The following AP3B2 variants were observed in gnomAD, a reference collection of about 807,000 sequenced individuals.
The protein encoded by AP3B2 is adaptor related protein complex 3 subunit beta 2.
AP3B2 carries 50 observed loss-of-function variants against 126.9 expected under a neutral mutation model. The observed-to-expected ratio is 0.39, with a 90% CI of 0.31 to 0.50. The LOEUF (loss-of-function observed/expected upper bound fraction) is 0.50, where lower values mean the gene tolerates loss of function less well. Among genes scored for constraint, AP3B2 ranks in the 20% least tolerant of loss-of-function variants. The pLI, the probability that AP3B2 is intolerant of heterozygous loss-of-function variation, is 0.79. For synonymous variants in AP3B2, 541 were observed against 565.0 expected, an observed-to-expected ratio of 0.96 and a Z score of 0.60; for missense variants, 1,177 against 1,426.4, an observed-to-expected ratio of 0.83 and a Z score of 2.82.
Position 82,676,444 on chromosome 15 carries a change from C to T in AP3B2, c.1665+17G>A, listed in dbSNP as rs759558992. 2 of 1,611,908 alleles carry T rather than the reference C, an allele frequency of 1.2e-6. No individual in the cohort carries two copies. The highest frequency in any genetic ancestry group is 1.7e-5 in the Admixed American group (1 of 59,910). The stretch of plus-strand genomic sequence containing the variant: ...CTGGGGACCAGAGTATCTGGGGGGT[C>T]ATCTCTTAATCTTTACCTGTTTAGA... On this transcript the variant is annotated intron_variant, in intron 14 of 26. Coordinates refer to ENST00000535359, the MANE Select transcript of AP3B2 (RefSeq NM_001278512.2).
rs58240249 is a variant in AP3B2 at position 82,700,415 on chromosome 15, T to TTTTTTTTTTTTTTTTTTTTTTTC, written c.113+9178_113+9179insGAAAAAAAAAAAAAAAAAAAAAA. Among the ~76,000 whole-genome samples, 13 of 133,190 alleles carry TTTTTTTTTTTTTTTTTTTTTTTC rather than the reference T, an allele frequency of 9.8e-5. 1 individual carries two copies. Among genetic ancestry groups the TTTTTTTTTTTTTTTTTTTTTTTC allele is most frequent in the African/African-American group, 3.7e-4 (13 of 34,978 alleles). 87.4% of individuals were successfully genotyped at this position (133,190 alleles called of 152,430 possible). A position where few individuals can be genotyped will look rare whatever the true frequency, so the allele number is the denominator to read the frequency against. ...TGGGTGGCTTTTTTTTTTTTTTTTTTCAGATGGAGTTTCACTCTTATTGCC... is the reference window on the plus strand; with the variant it reads ...TGGGTGGCTTTTTTTTTTTTTTTTTTTTTTTTTTTTTTTTTTTTTTTTCCAGATGGAGTTTCACTCTTATTGCC... On this transcript the variant is annotated intron_variant, in intron 1 of 26. Transcript: ENST00000535359.
intron 11 of AP3B2, 60 bp from the exon 12 acceptor site, chr15:82,677,863 G>C: frequency 6.6e-7 from 1 of 1,525,080 alleles, no homozygotes; most frequent in Non-Finnish European, 8.8e-7. Context: ...TGACCTTCAA[G>C]AAGGCTGTGG....
intron 11 of AP3B2, 35 bp from the exon 12 acceptor site, chr15:82,677,838 C>T: frequency 1.9e-6 from 3 of 1,560,278 alleles, no homozygotes; most frequent in Middle Eastern, 1.7e-4. Flanking sequence ...CTCAGTGACT[C>T]TGCAGGCTTG....
At chr15:82,688,888 C>T (rs1158232522) in intron 3 of AP3B2, 57 bp from the exon 4 acceptor site, 3 of 1,481,150 alleles carry the variant, frequency 2.0e-6, no homozygotes, top group African/African-American at 1.4e-5. Context: ...TGTGCCCACC[C>T]CCCTACCCCT....
At chr15:82,690,623 T>C (rs534443520) in intron 1 of AP3B2, among the ~76,000 whole-genome samples, 1 of 151,284 alleles carries the variant, frequency 6.6e-6, no homozygotes, top group Non-Finnish European at 1.5e-5. Context: ...ATGGTGTATA[T>C]GTGCCACATT....
rs977845353 is a variant in AP3B2, at chr15:82,662,930, G to A, written c.2605-8C>T. 3 of 1,608,698 alleles carry A rather than the reference G, an allele frequency of 1.9e-6. No individual in the cohort carries two copies. Among genetic ancestry groups the A allele is most frequent in the Non-Finnish European group, 2.5e-6 (3 of 1,178,382 alleles). On this transcript the variant is annotated splice_region_variant and splice_polypyrimidine_tract_variant and intron_variant, in intron 22 of 26. Transcript: ENST00000535359. Reference sequence around the variant, plus strand: ...CGATACTGGACTCAGAAGCTAGAGTGGAGGGGTAGGGAAGGACAGAACTGA... The same window carrying A: ...CGATACTGGACTCAGAAGCTAGAGTAGAGGGGTAGGGAAGGACAGAACTGA...
Position 82,664,759 on chromosome 15 carries a change from C to T in AP3B2, c.2137+76G>A, listed in dbSNP as rs1596168272. On this transcript the variant is annotated intron_variant, in intron 18 of 26. Transcript: ENST00000535359. The surrounding 1 kb of genome is among the most constrained non-coding windows in gnomAD (Gnocchi z 4.5). ...ACACCCCTAGACACACAACCATATACATATACCCCTCATATAGTCAGTCAC... is the reference window on the plus strand; with the variant it reads ...ACACCCCTAGACACACAACCATATATATATACCCCTCATATAGTCAGTCAC... 1.7e-6 allele frequency: 2 copies of T among 1,185,312 alleles called. No homozygotes were observed. Among genetic ancestry groups the T allele is most frequent in the South Asian group, 1.4e-5 (1 of 71,698 alleles). 73.4% of individuals were successfully genotyped at this position (1,185,312 alleles called of 1,614,324 possible).
rs906970204 is a variant in AP3B2, at chr15:82,665,899, C to T, written c.1853-324G>A. 1.3e-5 allele frequency among the ~76,000 whole-genome samples: 2 copies of T among 152,168 alleles called. No individual in the cohort carries two copies. The highest frequency in any genetic ancestry group is 3.8e-4 in the East Asian group (2 of 5,196). ...TGCACGTCTAGTCAGGCTCTGGACT[C>T]AGCAGGGAGGGATGAACAGTCAGAG... On this transcript the variant is annotated intron_variant, in intron 15 of 26. Transcript: ENST00000535359. The surrounding 1 kb of genome is among the most constrained non-coding windows in gnomAD (Gnocchi z 4.4).
At chr15:82,699,916 T>C (rs1193562323) in intron 1 of AP3B2, 2 of 399,062 alleles carry the variant, frequency 5.0e-6, no homozygotes, top group African/African-American at 2.1e-5. Context: ...GCCAGGGCGC[T>C]GGGGCTCCTG....
chr15:82,661,320 A>G (rs952701276), intron 25 of AP3B2, among the ~76,000 whole-genome samples: 19 of 152,148 alleles, frequency 1.2e-4, no homozygotes, highest in African/African-American at 4.6e-4. Flanking sequence ...ATGCATTTCA[A>G]AATCAGCTTA....
chr15:82,681,590 G>C lies in AP3B2; in HGVS notation c.361-10C>G. 1 of 1,611,930 alleles carries C rather than the reference G, an allele frequency of 6.2e-7. No homozygotes were observed. Among genetic ancestry groups the C allele is most frequent in the Non-Finnish European group, 8.5e-7 (1 of 1,179,570 alleles). The stretch of plus-strand genomic sequence containing the variant: ...TCAGCTGGTTGGGATCCTAAAGGCA[G>C]AGGTGGAGGCAGAGCTATGAAAGGG... On this transcript the variant is annotated splice_polypyrimidine_tract_variant and intron_variant, in intron 4 of 26. Transcript: ENST00000535359. This position sits in a 1 kb window ranked among gnomAD's most constrained non-coding sequence, Gnocchi z 4.0.
rs146732495 is a variant in AP3B2, at chr15:82,691,734, T to C, written c.114-2281A>G. On this transcript the variant is annotated intron_variant, in intron 1 of 26. Transcript: ENST00000535359. ...TCCCATCACCTGTCTCAGTAGGGCC[T>C]GAAAGGAGAGAAGTGGTGTGGGGAA... 1,037 of 1,581,024 alleles carry C rather than the reference T, an allele frequency of 6.6e-4. 6 individuals carry two copies. The East Asian group carries it at 0.021, about 33-fold the overall frequency.
Position 82,659,484 on chromosome 15 carries a change from A to C in AP3B2, c.*76T>G. 9 of 1,550,980 alleles carry C rather than the reference A, an allele frequency of 5.8e-6. No individual in the cohort carries two copies. The highest frequency in any genetic ancestry group is 7.9e-6 in the Non-Finnish European group (9 of 1,135,948). Reference sequence around the variant, plus strand: ...AGGAGGATGATGAGAGAGAGAGAGAAAGATGAGAGAGACTGACAGCCTAGG... The same window carrying C: ...AGGAGGATGATGAGAGAGAGAGAGACAGATGAGAGAGACTGACAGCCTAGG... On this transcript the variant is annotated 3_prime_UTR_variant, in exon 27 of 27. Coordinates refer to ENST00000535359, the MANE Select transcript of AP3B2 (RefSeq NM_001278512.2).
intron 4 of AP3B2, chr15:82,685,874 C>T (rs1188928008): frequency 6.6e-6 from 1 of 152,168 alleles, no homozygotes; most frequent in African/African-American, 2.4e-5. Flanking sequence ...TCACCCACAA[C>T]CCTTTGCACA....
In AP3B2 at chr15:82,665,376, AACACACACACACACACACACACACAC is replaced by A. The variant is rs60428596; in HGVS notation, c.1971+55_1972-74del. The A allele has an allele frequency of 0.2, 257,259 of 1,254,978 alleles. 29,577 individuals carry two copies. The highest frequency in any genetic ancestry group is 0.32 in the East Asian group (12,983 of 40,708). The allele number at this position is 1,254,978 out of a possible 1,614,324, so 77.7% of individuals were successfully genotyped here. A position where few individuals can be genotyped will look rare whatever the true frequency, so the allele number is the denominator to read the frequency against. ...GGGCTCCCTACTGTCTGCCCCCACCAACACACACACACACACACACACACACACACACACACACACACACACACACA... is the reference window on the plus strand; with the variant it reads ...GGGCTCCCTACTGTCTGCCCCCACCAACACACACACACACACACACACACA... On this transcript the variant is annotated intron_variant, in intron 16 of 26. Transcript: ENST00000535359. This position sits in a 1 kb window ranked among gnomAD's most constrained non-coding sequence, Gnocchi z 4.4.
In AP3B2 at chr15:82,681,926, C is replaced by T. The variant is rs192663931; in HGVS notation, c.361-346G>A. Among the ~76,000 whole-genome samples the T allele has an allele frequency of 3.3e-5, 5 of 152,220 alleles. No homozygotes were observed. Among genetic ancestry groups the T allele is most frequent in the Admixed American group, 2.0e-4 (3 of 15,300 alleles). On this transcript the variant is annotated intron_variant, in intron 4 of 26. Transcript: ENST00000535359. This position sits in a 1 kb window ranked among gnomAD's most constrained non-coding sequence, Gnocchi z 4.0. Reference sequence around the variant, plus strand: ...TGTTTTAATGCCTGAGGTGACCGCCCAGCAGATGCAAGCTGGTCTCCCTTC... The same window carrying T: ...TGTTTTAATGCCTGAGGTGACCGCCTAGCAGATGCAAGCTGGTCTCCCTTC...
Position 82,682,198 on chromosome 15 carries a change from C to T in AP3B2, c.361-618G>A, listed in dbSNP as rs557921788. Among the ~76,000 whole-genome samples, 33 of 151,694 alleles carry T rather than the reference C, an allele frequency of 2.2e-4. 1 individual carries two copies. The highest frequency in any genetic ancestry group is 1.6e-3 in the Admixed American group (24 of 15,218). On this transcript the variant is annotated intron_variant, in intron 4 of 26. Transcript: ENST00000535359. Reference sequence around the variant, plus strand: ...TCCCAAGTAGCTGGGACTACAGGCGCGCACCACCACACCCAGCTAATTTTT... The same window carrying T: ...TCCCAAGTAGCTGGGACTACAGGCGTGCACCACCACACCCAGCTAATTTTT...
chr15:82,696,411 C>T (rs2048628844), intron 1 of AP3B2, among the ~76,000 whole-genome samples: 1 of 152,084 alleles, frequency 6.6e-6, no homozygotes, highest in East Asian at 1.9e-4. Flanking sequence ...AACCCCATCC[C>T]TACTAAAATT....
intron 1 of AP3B2, 87 bp from the exon 2 acceptor site, chr15:82,689,540 T>A: frequency 2.3e-6 from 3 of 1,327,216 alleles, no homozygotes; most frequent in Non-Finnish European, 3.2e-6. Flanking sequence ...AGAAGGGACA[T>A]GGCCAGGGGA....
Sources: allele counts gnomAD v4.1 joint callset (sites outside exome capture counted in the v4.1 genomes callset), GRCh38; gene constraint gnomAD v4.1.1; non-coding constraint Gnocchi (gnomAD v3.1); transcripts MANE v1.5; gene names NCBI Gene and HGNC (gene_info 2026-07-23, HGNC 2026-07-21).